SRPK1: variants seen among roughly 807,000 people sequenced by gnomAD.
SRPK1 encodes the protein SFRS protein kinase 1.
In SRPK1, 52 loss-of-function variants were observed where a neutral mutation model predicts 89.5. That is an observed-to-expected ratio of 0.58 (90% CI 0.46 to 0.73). SRPK1 has a LOEUF of 0.73. Among genes scored for constraint, SRPK1 ranks in the 30% least tolerant of loss-of-function variants. The pLI is 0.00. For missense variants in SRPK1, 603 were observed against 780.6 expected, an observed-to-expected ratio of 0.77 and a Z score of 2.71; for synonymous variants, 255 against 270.2, an observed-to-expected ratio of 0.94 and a Z score of 0.55.
chr6:35,916,948 T>C (rs975271635), intron 2 of SRPK1, among the ~76,000 whole-genome samples: 6 of 152,114 alleles, frequency 3.9e-5, no homozygotes, highest in African/African-American at 1.4e-4. Context: ...TAATCTCAGC[T>C]ACTTGGGAGG....
At chr6:35,839,983 T>A (rs1288543144) in intron 14 of SRPK1, among the ~76,000 whole-genome samples, 1 of 151,988 alleles carries the variant, frequency 6.6e-6, no homozygotes, top group Non-Finnish European at 1.5e-5. Context: ...TGGCCTGTAT[T>A]TTTTGTAGAG....
At chr6:35,892,349 G>C (rs1007580818) in intron 2 of SRPK1, among the ~76,000 whole-genome samples, 2 of 152,066 alleles carry the variant, frequency 1.3e-5, no homozygotes, top group African/African-American at 4.8e-5. Flanking sequence ...CTGTCTTCTA[G>C]GACCTTTAAG....
chr6:35,858,094 T>C (rs961716218), intron 12 of SRPK1, among the ~76,000 whole-genome samples: 6 of 152,164 alleles, frequency 3.9e-5, no homozygotes, highest in Non-Finnish European at 7.3e-5. Flanking sequence ...CCTTCATTAT[T>C]CATTTATTTT....
intron 7 of SRPK1, 124 bp downstream of exon 7, chr6:35,874,109 G>C (rs1344761932): frequency 5.6e-6 from 4 of 708,860 alleles, no homozygotes; most frequent in Non-Finnish European, 9.3e-6. Context: ...TTACAGGAAT[G>C]AGCCACCACA....
intron 12 of SRPK1, among the ~76,000 whole-genome samples, chr6:35,857,758 A>G: frequency 6.6e-6 from 1 of 152,198 alleles, no homozygotes; most frequent in African/African-American, 2.4e-5. Flanking sequence ...GTGAGCTACC[A>G]CACCAAGGAA....
chr6:35,837,965 T>C (rs957076287), intron 15 of SRPK1, among the ~76,000 whole-genome samples: 3 of 151,834 alleles, frequency 2.0e-5, no homozygotes, highest in African/African-American at 4.8e-5. Context: ...GCCTCCCAGA[T>C]TCAAGTGATT....
chr6:35,904,319 C>T (rs1247343213), intron 2 of SRPK1, among the ~76,000 whole-genome samples: 3 of 152,060 alleles, frequency 2.0e-5, no homozygotes, highest in Non-Finnish European at 4.4e-5. Flanking sequence ...GCTAATCCTC[C>T]ACTACGAGGC....
At chr6:35,904,128 G>A (rs1770799349) in intron 2 of SRPK1, among the ~76,000 whole-genome samples, 1 of 152,000 alleles carries the variant, frequency 6.6e-6, no homozygotes, top group Admixed American at 6.6e-5. Flanking sequence ...TCTAGCTCCT[G>A]CCAACTGATT....
In SRPK1 at chr6:35,857,281, T is replaced by C; in HGVS notation, c.1600A>G (p.Ile534Val). The C allele has an allele frequency of 6.2e-7, 1 of 1,612,882 alleles. No individual in the cohort carries two copies. Among genetic ancestry groups the C allele is most frequent in the South Asian group, 1.1e-5 (1 of 90,770 alleles). The change falls in exon 13 of 16, where the codon ATT (isoleucine) becomes GTT (valine). Residue 534 changes from isoleucine (I) to valine (V), a missense_variant. By Grantham distance (29) the Ile-to-Val change is conservative. Transcript: ENST00000373825. ...IGSGYNTPAD[I>V]WSTACMAFEL... is the part of the protein sequence containing the mutation. The stretch of plus-strand genomic sequence containing the variant: ...ATTACCATGCATGCCGTGCTCCAAA[T>C]GTCAGCAGGGGTATTATAGCCAGAT...
intron 6 of SRPK1, among the ~76,000 whole-genome samples, chr6:35,877,776 G>A (rs541311184): frequency 4.1e-4 from 62 of 151,754 alleles, no homozygotes; most frequent in African/African-American, 1.5e-3. Flanking sequence ...CCAGGAGGCG[G>A]AGGTTGCAGT....
intron 12 of SRPK1, among the ~76,000 whole-genome samples, chr6:35,863,453 T>C (rs1210681650): frequency 7.4e-6 from 1 of 134,924 alleles, no homozygotes; most frequent in Non-Finnish European, 1.7e-5. Context: ...ACCCTGTTTC[T>C]TAAAAAAAAA....
intron 2 of SRPK1, among the ~76,000 whole-genome samples, chr6:35,898,884 C>T (rs913078812): frequency 7.9e-5 from 12 of 152,174 alleles, no homozygotes; most frequent in Non-Finnish European, 1.2e-4. Context: ...ACACAGACAC[C>T]GGGCGTGGTG....
chr6:35,842,864 C>T (rs1769341570), intron 13 of SRPK1, among the ~76,000 whole-genome samples: 1 of 152,138 alleles, frequency 6.6e-6, no homozygotes, highest in Non-Finnish European at 1.5e-5. Context: ...CCTCCCCACC[C>T]TAAACCCTAG....
At chr6:35,888,999 A>T in intron 3 of SRPK1, 76 bp from the exon 4 acceptor site, 2 of 895,622 alleles carry the variant, frequency 2.2e-6, no homozygotes, top group Non-Finnish European at 3.7e-6. Context: ...TTTTAACATC[A>T]CATTTTTCAA....
intron 13 of SRPK1, among the ~76,000 whole-genome samples, chr6:35,851,802 G>A (rs952050046): frequency 6.6e-6 from 1 of 152,304 alleles, no homozygotes; most frequent in African/African-American, 2.4e-5. Context: ...CAGGAAGAGA[G>A]GAGGGCCAAG....
chr6:35,920,134 C>T (rs971542043), intron 2 of SRPK1: 1 of 491,484 alleles, frequency 2.0e-6, no homozygotes, highest in Non-Finnish European at 4.0e-6. Context: ...AGAAACAGAC[C>T]GATAATGATC....
intron 6 of SRPK1, among the ~76,000 whole-genome samples, chr6:35,879,028 T>C (rs914872004): frequency 6.7e-6 from 1 of 148,826 alleles, no homozygotes; most frequent in Non-Finnish European, 1.5e-5. Flanking sequence ...GAGGCGGAGG[T>C]TGCACTGAGC....
intron 6 of SRPK1, among the ~76,000 whole-genome samples, chr6:35,885,712 C>T (rs905082777): frequency 6.6e-6 from 1 of 152,180 alleles, no homozygotes; most frequent in Admixed American, 6.5e-5. Context: ...TTAGATTTAT[C>T]CAATCTAAGT....
chr6:35,895,525 T>G (rs1041031628), intron 2 of SRPK1: 2 of 152,136 alleles, frequency 1.3e-5, no homozygotes, highest in Non-Finnish European at 2.9e-5. Flanking sequence ...TTTGTTATAA[T>G]GTTGGGGCTC....
Sources: gnomAD v4.1 joint callset for allele counts (sites outside exome capture counted in the v4.1 genomes callset) on GRCh38, gnomAD v4.1.1 for gene constraint, MANE v1.5 for transcripts, NCBI Gene and HGNC (gene_info 2026-07-23, HGNC 2026-07-21) for gene names.